Variants in RBM10 observed in about 807,000 individuals in gnomAD.
The protein encoded by RBM10 is RNA-binding protein 10.
A neutral mutation model predicts 84.9 loss-of-function variants in RBM10; 1 was observed. That is an observed-to-expected ratio of 0.01 (90% CI 0.00 to 0.06). The LOEUF (loss-of-function observed/expected upper bound fraction) is 0.06. Ranked by LOEUF, RBM10 falls within the 10% of genes least tolerant of loss-of-function variation. The pLI is 1.00. For synonymous variants in RBM10, 326 were observed against 344.5 expected (o/e 0.95, Z 0.60); for missense variants, 438 against 839.0 (o/e 0.52, Z 5.90).
chrX:47,181,614 A>G lies in RBM10; in HGVS notation c.1543A>G (p.Ser515Gly), dbSNP rs894659369. Residue 515 changes from serine to glycine, a missense_variant, in exon 14 of 24, where the codon AGC becomes GGC. By Grantham distance (56) the Ser-to-Gly change is moderately conservative. Around this residue, in one of 8 missense-constraint regions of RBM10, gnomAD observed 97 missense variants for 110.3 expected, o/e 0.88. Transcript: ENST00000377604. The part of the protein sequence containing the change: ...PGIYQQSAEA[S>G]SSQGTAANSQ... ...CATCTACCAACAATCAGCCGAGGCGAGCAGTAGCCAGGGCACTGCTGCCAA... is the reference window on the plus strand; with the variant it reads ...CATCTACCAACAATCAGCCGAGGCGGGCAGTAGCCAGGGCACTGCTGCCAA... The G allele has an allele frequency of 1.7e-6, 2 of 1,205,103 alleles. No individual in the cohort carries two copies. Among genetic ancestry groups the G allele is most frequent in the Admixed American group, 2.2e-5 (1 of 45,479 alleles).
At chrX:47,172,466 C>T (rs1222289841) in intron 4 of RBM10, among the ~76,000 whole-genome samples, 1 of 112,447 alleles carries the variant, frequency 8.9e-6, no homozygotes, top group African/African-American at 3.2e-5. Context: ...AGAGACCTCA[C>T]TGGCCTAGAG....
At chrX:47,146,294 G>A (rs782798210) in intron 1 of RBM10, among the ~76,000 whole-genome samples, 43 of 110,979 alleles carry the variant, frequency 3.9e-4, no homozygotes, top group African/African-American at 1.3e-3. Context: ...GCTCTCAGAC[G>A]CCAGTGCCTC....
At chrX:47,157,509 A>G in intron 2 of RBM10, 1 of 408,820 alleles carries the variant, frequency 2.4e-6, no homozygotes, top group South Asian at 3.2e-5. Flanking sequence ...CATGAAGGGC[A>G]GCAAGCAGAT....
At chrX:47,176,064 C>T (rs1174729969) in intron 6 of RBM10, among the ~76,000 whole-genome samples, 3 of 112,844 alleles carry the variant, frequency 2.7e-5, no homozygotes, top group African/African-American at 9.7e-5. Flanking sequence ...CTTTCTTTTT[C>T]CCCTTCTCCA....
rs782072522 is a variant in RBM10 at position 47,181,423 on chromosome X, T to G, written c.1435+22T>G. 7.5e-6 allele frequency: 9 copies of G among 1,207,987 alleles called. No homozygotes were observed. In the South Asian group the frequency reaches 1.4e-4, roughly 19 times the overall value. On this transcript the variant is annotated intron_variant, in intron 13 of 23. Transcript: ENST00000377604. ...GCAGGTGAGCCCCAGCATCTCTCTC[T>G]GCAGCTGTGGTGGGGGCCAGCAGGC...
chrX:47,165,050 A>T (rs1934062227), intron 2 of RBM10, among the ~76,000 whole-genome samples: 1 of 112,018 alleles, frequency 8.9e-6, no homozygotes, highest in Admixed American at 9.6e-5. Flanking sequence ...CACTACTATG[A>T]AGTACCTAGA....
At position 47,147,407 on chromosome X, in the gene RBM10, G is replaced by A. The variant is rs782371765; in HGVS notation, c.-75G>A. 3.0e-5 allele frequency: 36 copies of A among 1,206,254 alleles called. 1 individual carries two copies. In the South Asian group the frequency reaches 5.7e-4, roughly 19 times the overall value. The stretch of plus-strand genomic sequence containing the variant: ...GCTGGCAGATCATGGTAGCAGCAGC[G>A]GGGGTGGCTGGGAAGTGAAACGGAG... On this transcript the variant is annotated 5_prime_UTR_variant, in exon 2 of 24. Coordinates refer to ENST00000377604, the MANE Select transcript of RBM10 (RefSeq NM_005676.5).
intron 7 of RBM10, 122 bp downstream of exon 7, chrX:47,176,708 C>T: frequency 9.1e-7 from 1 of 1,104,394 alleles, no homozygotes; most frequent in Non-Finnish European, 1.2e-6. Context: ...TCTCTCCTCT[C>T]CCTCTGTCTC....
chrX:47,157,302 A>G, intron 2 of RBM10: 1 of 332,889 alleles, frequency 3.0e-6, no homozygotes, highest in Admixed American at 3.1e-5. Flanking sequence ...CACCTTGTAC[A>G]GAACGGTGTT....
intron 2 of RBM10, among the ~76,000 whole-genome samples, chrX:47,150,498 C>A (rs1438611490): frequency 8.9e-6 from 1 of 112,254 alleles, no homozygotes; most frequent in Non-Finnish European, 1.9e-5. Context: ...GCATTCAGAT[C>A]TTTAATCCAT....
In RBM10 at chrX:47,175,002, C is replaced by T; in HGVS notation, c.503-17C>T. 1 of 1,206,525 alleles carries T rather than the reference C, an allele frequency of 8.3e-7. No individual in the cohort carries two copies. Among genetic ancestry groups the T allele is most frequent in the Non-Finnish European group, 1.1e-6 (1 of 891,048 alleles). ...GTTGACTAACCCACTGCGTCTGTAT[C>T]TGAATGCTGTCTCCAGGTCAGAGCC... On this transcript the variant is annotated splice_polypyrimidine_tract_variant and intron_variant, in intron 5 of 23. Transcript: ENST00000377604.
intron 4 of RBM10, among the ~76,000 whole-genome samples, 154 bp from the exon 5 acceptor site, chrX:47,172,974 G>A (rs1450145182): frequency 8.9e-6 from 1 of 112,294 alleles, no homozygotes; most frequent in Admixed American, 9.4e-5. Flanking sequence ...TGGGCCTGGG[G>A]CTGTTGTCAC....
intron 17 of RBM10, among the ~76,000 whole-genome samples, chrX:47,184,032 A>G (rs1349137768): frequency 1.8e-5 from 2 of 111,351 alleles, no homozygotes; most frequent in Non-Finnish European, 3.8e-5. Flanking sequence ...AACTTATACA[A>G]TTTCTTTAAA....
At chrX:47,174,781 C>T (rs1204465116) in intron 5 of RBM10, among the ~76,000 whole-genome samples, 1 of 111,032 alleles carries the variant, frequency 9.0e-6, no homozygotes, top group Non-Finnish European at 1.9e-5. Flanking sequence ...CTCCCCCTAC[C>T]GACCTCTGGC....
chrX:47,168,838 G>T (rs1397783380), intron 2 of RBM10, among the ~76,000 whole-genome samples: 2 of 111,072 alleles, frequency 1.8e-5, no homozygotes, highest in Non-Finnish European at 3.8e-5. Context: ...ACTCACATTT[G>T]GGATTTGGGA....
chrX:47,173,888 CATCTCTCT>C (rs1482926695), intron 5 of RBM10, among the ~76,000 whole-genome samples: 1 of 27,299 alleles, frequency 3.7e-5, no homozygotes, highest in African/African-American at 1.8e-4. Flanking sequence ...CCCACACCTC[CATCTCTCT>C]CTCTCTCTCT....
At chrX:47,145,869 A>C (rs186791263) in intron 1 of RBM10, among the ~76,000 whole-genome samples, 1 of 96,514 alleles carries the variant, frequency 1.0e-5, no homozygotes, top group African/African-American at 4.0e-5. Flanking sequence ...TTATCGGTCC[A>C]TGGGGAAATA....
intron 2 of RBM10, among the ~76,000 whole-genome samples, chrX:47,168,514 C>CATTA (rs1934395840): frequency 1.8e-5 from 2 of 110,401 alleles, no homozygotes; most frequent in Non-Finnish European, 3.8e-5. Context: ...TGCCACTGCC[C>CATTA]TCCAGCCTGG....
At chrX:47,154,671 G>A (rs999373200) in intron 2 of RBM10, among the ~76,000 whole-genome samples, 2 of 109,098 alleles carry the variant, frequency 1.8e-5, no homozygotes, top group Admixed American at 9.8e-5. Flanking sequence ...GACTGGTCTC[G>A]AACTCCGTAC....
Sources: gnomAD v4.1 joint callset for allele counts (sites outside exome capture counted in the v4.1 genomes callset) on GRCh38, gnomAD v4.1.1 for gene constraint, gnomAD v4.1.1 regional missense constraint, MANE v1.5 for transcripts, NCBI Gene and HGNC (gene_info 2026-07-23, HGNC 2026-07-21) for gene names.